The following SPDYA variants were observed in gnomAD, a reference collection of about 807,000 sequenced individuals.
SPDYA encodes speedy protein A.
A neutral mutation model predicts 36.7 loss-of-function variants in SPDYA; 11 were observed. The ratio of observed to expected loss-of-function variants is 0.30; its 90% CI spans 0.19 to 0.50. SPDYA has a LOEUF of 0.50. Ranked by LOEUF, SPDYA falls within the 20% of genes least tolerant of loss-of-function variation. SPDYA has a pLI of 0.98. For synonymous variants in SPDYA, 115 were observed against 118.7 expected, an observed-to-expected ratio of 0.97 and a Z score of 0.20; for missense variants, 287 against 370.9, an observed-to-expected ratio of 0.77 and a Z score of 1.86.
Position 28,849,893 on chromosome 2 carries a change from C to A in SPDYA, c.894C>A (p.Phe298Leu), listed in dbSNP as rs758767483. ...CAAATAAAGGAAAGAAAACTAATTT[C>A]TTGAAGAAAGACAAATCTATGGAGT... is the stretch of plus-strand genomic sequence containing the variant. Reference protein sequence around the residue: ...HQSNKGKKTNFLKKDKSMEWF... With the variant: ...HQSNKGKKTNLLKKDKSMEWF... The change falls in exon 8 of 8, where the codon TTC (phenylalanine) becomes TTA (leucine). Residue 298 changes from phenylalanine (F) to leucine (L), a missense_variant. Coordinates refer to ENST00000334056, the MANE Select transcript of SPDYA (RefSeq NM_182756.4). 1.3e-6 allele frequency: 2 copies of A among 1,592,306 alleles called. No individual in the cohort carries two copies. Among genetic ancestry groups the A allele is most frequent in the Non-Finnish European group, 1.7e-6 (2 of 1,174,002 alleles).
intron 4 of SPDYA, 138 bp downstream of exon 4, chr2:28,819,244 C>T (rs548783303): frequency 5.5e-5 from 33 of 595,076 alleles, no homozygotes; most frequent in Middle Eastern, 5.1e-4. Flanking sequence ...TGCAGTGGCT[C>T]ACACCTGTAA....
Position 28,822,372 on chromosome 2 carries a change from TATA to T in SPDYA, c.344_346del (p.Ile115del). The T allele has an allele frequency of 6.4e-7, 1 of 1,574,712 alleles. No individual in the cohort carries two copies. Among genetic ancestry groups the T allele is most frequent in the Non-Finnish European group, 8.6e-7 (1 of 1,160,306 alleles). ...TTTATTTCAAGAGGGCTAAATTTAC[TATA>T]AGTGAGCATACCAGGATAAATTTCT... On this transcript the variant is annotated inframe_deletion, in exon 5 of 8. Transcript: ENST00000334056.
chr2:28,839,429 A>C (rs1222839784), intron 6 of SPDYA, among the ~76,000 whole-genome samples: 3 of 152,186 alleles, frequency 2.0e-5, no homozygotes, highest in African/African-American at 7.2e-5. Flanking sequence ...CTTATTCACC[A>C]TATCTCTTGT....
chr2:28,839,155 A>G (rs894674723), intron 6 of SPDYA, among the ~76,000 whole-genome samples: 2 of 152,222 alleles, frequency 1.3e-5, no homozygotes, highest in East Asian at 3.8e-4. Flanking sequence ...TTAGAGATGA[A>G]GAAATTGAGT....
At chr2:28,847,448 T>C (rs1003876348) in intron 7 of SPDYA, among the ~76,000 whole-genome samples, 1 of 151,926 alleles carries the variant, frequency 6.6e-6, no homozygotes, top group African/African-American at 2.4e-5. Context: ...GGTGTTCCCC[T>C]AAGATTATAA....
chr2:28,850,337 C>G lies in SPDYA; in HGVS notation c.*396C>G. The G allele has an allele frequency of 1.2e-6, 2 of 1,609,740 alleles. No individual in the cohort carries two copies. The highest frequency in any genetic ancestry group is 1.7e-6 in the Non-Finnish European group (2 of 1,177,390). On this transcript the variant is annotated 3_prime_UTR_variant, in exon 8 of 8. Coordinates refer to ENST00000334056, the MANE Select transcript of SPDYA (RefSeq NM_182756.4). ...TGAAAACATTACTCACCTGTATGAC[C>G]AGGTTGCCAGTGTACTGGTCTAGCA...
At chr2:28,824,243 T>G (rs1009515998) in intron 5 of SPDYA, among the ~76,000 whole-genome samples, 8 of 151,868 alleles carry the variant, frequency 5.3e-5, no homozygotes, top group African/African-American at 1.9e-4. Context: ...TTTGGGAGGC[T>G]GGGGCGGAAG....
chr2:28,848,184 T>C (rs1423360282), intron 7 of SPDYA, among the ~76,000 whole-genome samples: 1 of 152,184 alleles, frequency 6.6e-6, no homozygotes. Flanking sequence ...TACAGAAATA[T>C]ACCACCAGAA....
At chr2:28,819,820 TAAAAAAAAAAAAAA>T (rs1174507151) in intron 4 of SPDYA, among the ~76,000 whole-genome samples, 14 of 17,218 alleles carry the variant, frequency 8.1e-4, no homozygotes, top group African/African-American at 3.0e-3. Context: ...CCTGGTCTCT[TAAAAAAAAAAAAAA>T]AAAAAAAAAA....
At chr2:28,841,284 T>C (rs1250293630) in intron 7 of SPDYA, among the ~76,000 whole-genome samples, 1 of 152,186 alleles carries the variant, frequency 6.6e-6, no homozygotes, top group Non-Finnish European at 1.5e-5. Flanking sequence ...AATTTCTTTA[T>C]ATATTTCATT....
intron 6 of SPDYA, among the ~76,000 whole-genome samples, chr2:28,829,935 C>T (rs1489190853): frequency 9.0e-6 from 1 of 111,068 alleles, no homozygotes; most frequent in African/African-American, 3.6e-5. Context: ...CAGAGCGAGA[C>T]TCCATCTCAA....
At position 28,850,295 on chromosome 2, in the gene SPDYA, C is replaced by T. The variant is rs1394964734; in HGVS notation, c.*354C>T. ...TCATTATATTAATTAAAAGAAAAAA[C>T]ACCATTTAATATGTTCTGAAAACAT... On this transcript the variant is annotated 3_prime_UTR_variant, in exon 8 of 8. Coordinates refer to ENST00000334056, the MANE Select transcript of SPDYA (RefSeq NM_182756.4). 2 of 1,600,238 alleles carry T rather than the reference C, an allele frequency of 1.2e-6. No homozygotes were observed. The highest frequency in any genetic ancestry group is 2.7e-5 in the African/African-American group (2 of 74,402).
At chr2:28,849,580 C>G (rs1196244147) in intron 7 of SPDYA, among the ~76,000 whole-genome samples, 1 of 152,232 alleles carries the variant, frequency 6.6e-6, no homozygotes, top group Non-Finnish European at 1.5e-5. Context: ...GCCCAGCCCC[C>G]AAACATTTAA....
At chr2:28,839,010 A>G (rs1668680386) in intron 6 of SPDYA, among the ~76,000 whole-genome samples, 1 of 152,190 alleles carries the variant, frequency 6.6e-6, no homozygotes, top group South Asian at 2.1e-4. Context: ...GAAGTTTTAG[A>G]TTTCATGAGG....
chr2:28,814,991 A>G (rs1218216275), intron 2 of SPDYA, among the ~76,000 whole-genome samples: 4 of 152,318 alleles, frequency 2.6e-5, no homozygotes. Flanking sequence ...AACTTTAAAA[A>G]TTAGAACAGG....
chr2:28,844,696 G>A (rs1281531267), intron 7 of SPDYA, among the ~76,000 whole-genome samples: 1 of 152,124 alleles, frequency 6.6e-6, no homozygotes. Context: ...CACTTTGGGA[G>A]GCCGAGGCGG....
At chr2:28,841,612 C>T (rs558670339) in intron 7 of SPDYA, among the ~76,000 whole-genome samples, 4 of 151,932 alleles carry the variant, frequency 2.6e-5, no homozygotes, top group Non-Finnish European at 5.9e-5. Context: ...TTGTTTTTAC[C>T]ACAAAGATAT....
chr2:28,814,362 GAT>G (rs1401501936), intron 1 of SPDYA, among the ~76,000 whole-genome samples: 4 of 152,144 alleles, frequency 2.6e-5, no homozygotes, highest in African/African-American at 9.7e-5. Context: ...AAAAGATTGA[GAT>G]ATGCTGTAAG....
chr2:28,850,424 T>C lies in SPDYA; in HGVS notation c.*483T>C, dbSNP rs776258806. The C allele has an allele frequency of 4.7e-6, 7 of 1,491,532 alleles. No individual in the cohort carries two copies. Among genetic ancestry groups the C allele is most frequent in the Middle Eastern group, 2.0e-4 (1 of 5,110 alleles). The allele number at this position is 1,491,532 out of a possible 1,614,324, so 92.4% of individuals were successfully genotyped here. A position where few individuals can be genotyped will look rare whatever the true frequency, so the allele number is the denominator to read the frequency against. The stretch of plus-strand genomic sequence containing the variant: ...GATTCTTCTGTTGTAAAAAAATATA[T>C]GTACTATAAGCTACATAAAATATTT... On this transcript the variant is annotated 3_prime_UTR_variant, in exon 8 of 8. Transcript: ENST00000334056.
Sources: gnomAD v4.1 joint callset for allele counts (sites outside exome capture counted in the v4.1 genomes callset) on GRCh38, gnomAD v4.1.1 for gene constraint, MANE v1.5 for transcripts, NCBI Gene and HGNC (gene_info 2026-07-23, HGNC 2026-07-21) for gene names.